Variants in ADK observed in about 807,000 individuals in gnomAD.
ADK encodes adenosine kinase, also known as N6,N6-dimethyladenosine kinase.
Under a neutral mutation model 44.7 loss-of-function variants are expected in ADK, and 24 were observed. The observed-to-expected ratio is 0.54, with a 90% CI of 0.39 to 0.76. The LOEUF is 0.76. Among genes scored for constraint, ADK ranks in the 30% least tolerant of loss-of-function variants. ADK has a pLI of 0.00. For missense variants in ADK, 321 were observed against 425.1 expected (o/e 0.76, Z 2.15); for synonymous variants, 128 against 142.6 (o/e 0.90, Z 0.73).
At chr10:74,504,061 C>T (rs1847964356) in intron 6 of ADK, among the ~76,000 whole-genome samples, 1 of 152,200 alleles carries the variant, frequency 6.6e-6, no homozygotes, top group Non-Finnish European at 1.5e-5. Flanking sequence ...AGACTTATCT[C>T]AAGGTGTTTA....
chr10:74,212,542 G>A (rs548436474), intron 2 of ADK, among the ~76,000 whole-genome samples: 2 of 152,176 alleles, frequency 1.3e-5, no homozygotes, highest in Non-Finnish European at 2.9e-5. Flanking sequence ...TTCCTTGTGA[G>A]TAAAATAAGG....
chr10:74,637,177 A>G (rs560626070), intron 9 of ADK, among the ~76,000 whole-genome samples: 6 of 152,298 alleles, frequency 3.9e-5, no homozygotes, highest in African/African-American at 1.4e-4. Flanking sequence ...TTCTTTTTAT[A>G]TGTGTGTGAA....
chr10:74,322,804 A>C, intron 4 of ADK, among the ~76,000 whole-genome samples: 4 of 137,086 alleles, frequency 2.9e-5, no homozygotes, highest in Admixed American at 1.5e-4. Flanking sequence ...CCTTCCTCAC[A>C]TCTCTTTCCC....
At chr10:74,183,103 C>G (rs915784926) in intron 1 of ADK, among the ~76,000 whole-genome samples, 2 of 151,922 alleles carry the variant, frequency 1.3e-5, no homozygotes, top group African/African-American at 2.4e-5. Flanking sequence ...GTAGTCCCAC[C>G]TTTGTATTTT....
intron 3 of ADK, among the ~76,000 whole-genome samples, chr10:74,242,302 T>G (rs6480726): frequency 0.74 from 111,865 of 152,148 alleles, 41,818 homozygotes; most frequent in Middle Eastern, 0.85. Flanking sequence ...TCAGACAGTT[T>G]GGGGAGAAAA....
chr10:74,535,764 G>A (rs955538065), intron 7 of ADK, among the ~76,000 whole-genome samples: 3 of 151,720 alleles, frequency 2.0e-5, no homozygotes, highest in Non-Finnish European at 4.4e-5. Flanking sequence ...TGTATTTTTA[G>A]TAGAGATGGG....
At chr10:74,582,958 GCAA>G (rs1851418972) in intron 7 of ADK, among the ~76,000 whole-genome samples, 1 of 152,086 alleles carries the variant, frequency 6.6e-6, no homozygotes, top group Non-Finnish European at 1.5e-5. Context: ...CACATTTTAT[GCAA>G]CAAATTTCTC....
At chr10:74,316,155 G>A (rs1840610954) in intron 4 of ADK, among the ~76,000 whole-genome samples, 2 of 151,916 alleles carry the variant, frequency 1.3e-5, no homozygotes, top group South Asian at 4.2e-4. Context: ...CCAGAGAATC[G>A]GTTGAACCTG....
At chr10:74,536,612 T>G (rs1445536506) in intron 7 of ADK, among the ~76,000 whole-genome samples, 1 of 151,810 alleles carries the variant, frequency 6.6e-6, no homozygotes, top group African/African-American at 2.4e-5. Flanking sequence ...TTTTTTTTTT[T>G]TAATCAACCC....
At chr10:74,590,055 A>G (rs1043976850) in intron 8 of ADK, among the ~76,000 whole-genome samples, 7 of 152,170 alleles carry the variant, frequency 4.6e-5, no homozygotes, top group African/African-American at 9.6e-5. Context: ...TTTTATCTGT[A>G]TAATACCCCT....
chr10:74,670,571 C>A (rs1855132772), intron 10 of ADK, among the ~76,000 whole-genome samples: 1 of 152,184 alleles, frequency 6.6e-6, no homozygotes, highest in African/African-American at 2.4e-5. Flanking sequence ...ATAGTATATT[C>A]ATAGCCCTTC....
rs370754686 is a variant in ADK at position 74,444,346 on chromosome 10, G to A, written c.555+45767G>A. Among the ~76,000 whole-genome samples, 34 of 152,208 alleles carry A rather than the reference G, an allele frequency of 2.2e-4. 1 individual carries two copies. Among genetic ancestry groups the A allele is most frequent in the Middle Eastern group, 6.8e-3 (2 of 294 alleles). ...ACCCAAGGTTTTGGATTTTAATGGG[G>A]CAGAGTTGTCTGTTTTCTATTAAAC... On this transcript the variant is annotated intron_variant, in intron 6 of 10. Transcript: ENST00000539909.
At chr10:74,366,563 C>A (rs1592107787) in intron 4 of ADK, among the ~76,000 whole-genome samples, 2 of 152,150 alleles carry the variant, frequency 1.3e-5, no homozygotes, top group East Asian at 1.9e-4. Flanking sequence ...CTAAAGAGAT[C>A]CTGGATTACA....
chr10:74,471,182 C>G (rs1337192211), intron 6 of ADK, among the ~76,000 whole-genome samples: 1 of 151,774 alleles, frequency 6.6e-6, no homozygotes, highest in Non-Finnish European at 1.5e-5. Context: ...TCACGCCATT[C>G]TCCTGCCTCA....
chr10:74,522,144 A>G (rs1323830688), intron 6 of ADK, among the ~76,000 whole-genome samples: 2 of 152,194 alleles, frequency 1.3e-5, no homozygotes, highest in Non-Finnish European at 2.9e-5. Context: ...ATGACACAGG[A>G]GCCTTCAGAA....
At chr10:74,307,721 A>G (rs1017362474) in intron 3 of ADK, among the ~76,000 whole-genome samples, 3 of 152,210 alleles carry the variant, frequency 2.0e-5, no homozygotes, top group Admixed American at 1.3e-4. Flanking sequence ...CTCCATATCT[A>G]TTACATATGT....
At chr10:74,342,964 TTAAC>T (rs1019118260) in intron 4 of ADK, among the ~76,000 whole-genome samples, 100 of 152,318 alleles carry the variant, frequency 6.6e-4, no homozygotes, top group African/African-American at 2.4e-3. Context: ...TTGGAAGCCT[TTAAC>T]TATTTTCCCC....
At chr10:74,320,199 A>G (rs538328264) in intron 4 of ADK, among the ~76,000 whole-genome samples, 1 of 152,320 alleles carries the variant, frequency 6.6e-6, no homozygotes, top group South Asian at 2.1e-4. Context: ...AATGTCTTAA[A>G]TAGCCCCTTT....
chr10:74,605,781 CT>C (rs1852303478), intron 9 of ADK, among the ~76,000 whole-genome samples: 1 of 152,170 alleles, frequency 6.6e-6, no homozygotes. Context: ...AGGAGTCCCT[CT>C]TTTTCTATTG....
Sources: gnomAD v4.1 joint callset for allele counts (sites outside exome capture counted in the v4.1 genomes callset) on GRCh38, gnomAD v4.1.1 for gene constraint, MANE v1.5 for transcripts, NCBI Gene and HGNC (gene_info 2026-07-23, HGNC 2026-07-21) for gene names.